ZNF213: variants seen among roughly 807,000 people sequenced by gnomAD.
The protein encoded by ZNF213 is putative transcription factor CR53.
ZNF213 carries 32 observed loss-of-function variants against 46.0 expected under a neutral mutation model. The observed-to-expected ratio is 0.70, with a 90% CI of 0.52 to 0.93. The LOEUF (loss-of-function observed/expected upper bound fraction) is 0.93. Ranked by LOEUF, ZNF213 falls within the 40% of genes least tolerant of loss-of-function variation. The probability of loss-of-function intolerance (pLI) is 0.00; values close to 1 mark genes in which losing one functional copy is unlikely to be tolerated. For missense variants in ZNF213, 639 were observed against 652.8 expected, an observed-to-expected ratio of 0.98 and a Z score of 0.23; for synonymous variants, 297 against 271.0, an observed-to-expected ratio of 1.10 and a Z score of -0.94.
rs141332740 is a variant in ZNF213 at position 3,137,403 on chromosome 16, C to A, written c.123C>A (p.Ser41=). Residue 41 remains serine, a synonymous_variant, in exon 2 of 6, where the codon TCC becomes TCA. Transcript: ENST00000396878. ...ESAQHEDGRD[S]EACRQRFRQF... The stretch of plus-strand genomic sequence containing the variant: ...CCCAGCATGAGGATGGCAGGGATTC[C>A]GAAGCCTGCCGCCAGCGCTTCCGGC... The A allele has an allele frequency of 3.1e-6, 5 of 1,613,980 alleles. No individual in the cohort carries two copies. The East Asian group carries it at 1.1e-4, about 36-fold the overall frequency.
intron 1 of ZNF213, among the ~76,000 whole-genome samples, 189 bp from the exon 2 acceptor site, chr16:3,136,977 G>T (rs1341221808): frequency 6.6e-6 from 1 of 152,152 alleles, no homozygotes; most frequent in Non-Finnish European, 1.5e-5. Context: ...TGGATTTCTG[G>T]CTTTGGGATG....
At position 3,140,914 on chromosome 16, in the gene ZNF213, C is replaced by T. The variant is rs1052974324; in HGVS notation, c.947C>T (p.Pro316Leu). 4.3e-5 allele frequency: 69 copies of T among 1,590,126 alleles called. No individual in the cohort carries two copies. The highest frequency in any genetic ancestry group is 5.6e-5 in the Non-Finnish European group (65 of 1,171,140). Residue 316 changes from proline to leucine, a missense_variant, in exon 6 of 6, where the codon CCG becomes CTG. Pro to Leu is a moderately conservative substitution (Grantham distance 98). Transcript: ENST00000396878. ...RQFRDLAAEK[P>L]HSCGQCGKRF... The stretch of plus-strand genomic sequence containing the variant: ...TTCCGGGACCTGGCAGCCGAGAAGC[C>T]GCACAGCTGCGGGCAGTGTGGAAAG...
Position 3,141,574 on chromosome 16 carries a change from C to A in ZNF213, c.*227C>A, listed in dbSNP as rs1231182717. ...CGCCCCCGATCTTGTCCTCTTTCCC[C>A]CTTCTGCGCCTAGCGTTCCTCTTCC... On this transcript the variant is annotated 3_prime_UTR_variant, in exon 6 of 6. Coordinates refer to ENST00000396878, the MANE Select transcript of ZNF213 (RefSeq NM_004220.3). The A allele has an allele frequency of 7.6e-6, 4 of 525,278 alleles. No homozygotes were observed. The highest frequency in any genetic ancestry group is 6.3e-5 in the East Asian group (2 of 31,734). 32.5% of individuals were successfully genotyped at this position (525,278 alleles called of 1,614,324 possible). A position where few individuals can be genotyped will look rare whatever the true frequency, so the allele number is the denominator to read the frequency against.
Position 3,141,215 on chromosome 16 carries a change from G to A in ZNF213, c.1248G>A (p.Leu416=). The A allele has an allele frequency of 6.2e-7, 1 of 1,612,628 alleles. No homozygotes were observed. The highest frequency in any genetic ancestry group is 8.5e-7 in the Non-Finnish European group (1 of 1,179,934). Reference sequence around the variant, plus strand: ...AGAGCTTCTCGCTGCGCTCCTACCTGCTGGACCATCGGCGTGTGCACACCG... The same window carrying A: ...AGAGCTTCTCGCTGCGCTCCTACCTACTGGACCATCGGCGTGTGCACACCG... The part of the protein sequence containing the change: ...CGKSFSLRSY[L]LDHRRVHTGE... Residue 416 remains leucine (L), a synonymous_variant, in exon 6 of 6, where the codon CTG becomes CTA. Transcript: ENST00000396878.
In ZNF213 at chr16:3,141,189, A is replaced by G. The variant is rs1187555534; in HGVS notation, c.1222A>G (p.Lys408Glu). 1.2e-6 allele frequency: 2 copies of G among 1,612,434 alleles called. No homozygotes were observed. The highest frequency in any genetic ancestry group is 2.7e-5 in the African/African-American group (2 of 74,926). The stretch of plus-strand genomic sequence containing the variant: ...GCCTTTCGGCTGCAGCGACTGCGGC[A>G]AGAGCTTCTCGCTGCGCTCCTACCT... ...EKPFGCSDCG[K>E]SFSLRSYLLD... Residue 408 changes from lysine to glutamate, a missense_variant, in exon 6 of 6, where the codon AAG becomes GAG. Physicochemically the swap from Lys to Glu is moderately conservative, Grantham distance 56. Coordinates refer to ENST00000396878, the MANE Select transcript of ZNF213 (RefSeq NM_004220.3).
At chr16:3,138,572 G>T in intron 3 of ZNF213, 31 bp downstream of exon 3, 1 of 1,613,774 alleles carries the variant, frequency 6.2e-7, no homozygotes. Flanking sequence ...GTGGACAGTC[G>T]AGTGGCTGGG....
chr16:3,137,520 C>T lies in ZNF213; in HGVS notation c.240C>T (p.Thr80=). The part of the protein sequence containing the change: ...CCRWLRPELR[T]KEQILELLVL... ...GCTGGCTGCGGCCCGAGCTGCGTACCAAGGAGCAGATCCTGGAGCTGCTGG... is the reference window on the plus strand; with the variant it reads ...GCTGGCTGCGGCCCGAGCTGCGTACTAAGGAGCAGATCCTGGAGCTGCTGG... Residue 80 remains threonine (T), a synonymous_variant, in exon 2 of 6, where the codon ACC becomes ACT. Coordinates refer to ENST00000396878, the MANE Select transcript of ZNF213 (RefSeq NM_004220.3). 6.2e-7 allele frequency: 1 copy of T among 1,614,000 alleles called. No individual in the cohort carries two copies. Among genetic ancestry groups the T allele is most frequent in the Admixed American group, 1.7e-5 (1 of 60,028 alleles).
At chr16:3,139,390 T>A in intron 5 of ZNF213, 5 of 337,362 alleles carry the variant, frequency 1.5e-5, no homozygotes, top group Middle Eastern at 8.9e-4. Flanking sequence ...ATAAGGGACC[T>A]GAGACTCAGG....
In ZNF213 at chr16:3,141,257, C is replaced by A; in HGVS notation, c.1290C>A (p.Gly430=). ...TGCACACCGGTGAGCGGCCCTTCGG[C>A]TGCGGAGAGTGCGACAAGAGCTTCA... is the stretch of plus-strand genomic sequence containing the variant. ...RRVHTGERPF[G]CGECDKSFKQ... Residue 430 remains glycine (G), a synonymous_variant, in exon 6 of 6, where the codon GGC becomes GGA. Coordinates refer to ENST00000396878, the MANE Select transcript of ZNF213 (RefSeq NM_004220.3). The A allele has an allele frequency of 6.2e-7, 1 of 1,612,174 alleles. No homozygotes were observed. The highest frequency in any genetic ancestry group is 1.3e-5 in the African/African-American group (1 of 75,044).
rs759689861 is a variant in ZNF213 at position 3,138,423 on chromosome 16, G to A, written c.405G>A (p.Val135=). 6 of 1,613,554 alleles carry A rather than the reference G, an allele frequency of 3.7e-6. No homozygotes were observed. The highest frequency in any genetic ancestry group is 5.1e-6 in the Non-Finnish European group (6 of 1,179,742). ...ATGTTGTGGTTCCTGCACAGGATGT[G>A]CCCTCGGAGGAGGCGGAACCCGAGG... ...KQPVKAWRQD[V]PSEEAEPEAA... is the part of the protein sequence containing the mutation. The change falls in exon 3 of 6, where the codon GTG becomes GTA. Residue 135 remains valine, a synonymous_variant. Coordinates refer to ENST00000396878, the MANE Select transcript of ZNF213 (RefSeq NM_004220.3).
At chr16:3,137,075 A>T in intron 1 of ZNF213, 91 bp from the exon 2 acceptor site, 1 of 599,990 alleles carries the variant, frequency 1.7e-6, no homozygotes, top group Non-Finnish European at 2.8e-6. Context: ...GGGCCATGAA[A>T]GGATGGGGAC....
rs767801887 is a variant in ZNF213, at chr16:3,138,329, G to T, written c.400-89G>T. The T allele has an allele frequency of 3.2e-6, 5 of 1,576,804 alleles. No individual in the cohort carries two copies. The African/African-American group carries it at 5.4e-5, about 17-fold the overall frequency. On this transcript the variant is annotated intron_variant, in intron 2 of 5. Transcript: ENST00000396878. ...CTTCCCACACCCCAGCATCCTGAGG[G>T]TCATGTCCTGTGTCTCCTTCCCAGG...
rs1406947746 is a variant in ZNF213, at chr16:3,135,089, T to C, written c.-414T>C. On this transcript the variant is annotated 5_prime_UTR_variant, in exon 1 of 6. Coordinates refer to ENST00000396878, the MANE Select transcript of ZNF213 (RefSeq NM_004220.3). Reference sequence around the variant, plus strand: ...GGGATCTCCTGGGCCGTAGTGGGCGTTGTGTGTTTCGGGGGCGGGGGCGGG... The same window carrying C: ...GGGATCTCCTGGGCCGTAGTGGGCGCTGTGTGTTTCGGGGGCGGGGGCGGG... 1 of 95,488 alleles carries C rather than the reference T, an allele frequency of 1.0e-5. No homozygotes were observed. The highest frequency in any genetic ancestry group is 2.1e-5 in the Non-Finnish European group (1 of 48,278). The allele number at this position is 95,488 out of a possible 1,614,324, so 5.9% of individuals were successfully genotyped here.
chr16:3,137,442 G>C lies in ZNF213; in HGVS notation c.162G>C (p.Gly54=), dbSNP rs1188205707. 2.5e-6 allele frequency: 4 copies of C among 1,613,868 alleles called. No individual in the cohort carries two copies. The highest frequency in any genetic ancestry group is 1.3e-5 in the African/African-American group (1 of 74,944). The change falls in exon 2 of 6, where the codon GGG becomes GGC. Residue 54 remains glycine, a synonymous_variant. Coordinates refer to ENST00000396878, the MANE Select transcript of ZNF213 (RefSeq NM_004220.3). ...AGCGCTTCCGGCAATTCTGCTACGGGGATGTGCATGGGCCTCATGAGGCCT... is the reference window on the plus strand; with the variant it reads ...AGCGCTTCCGGCAATTCTGCTACGGCGATGTGCATGGGCCTCATGAGGCCT... ...CRQRFRQFCY[G]DVHGPHEAFS...
rs1198890966 is a variant in ZNF213 at position 3,141,117 on chromosome 16, C to T, written c.1150C>T (p.Arg384Cys). The T allele has an allele frequency of 6.2e-7, 1 of 1,612,376 alleles. No homozygotes were observed. Among genetic ancestry groups the T allele is most frequent in the Admixed American group, 1.7e-5 (1 of 59,962 alleles). The change falls in exon 6 of 6, where the codon CGC becomes TGC. Residue 384 changes from arginine (R) to cysteine (C), a missense_variant. Arg to Cys is a radical substitution (Grantham distance 180, BLOSUM62 -3). Coordinates refer to ENST00000396878, the MANE Select transcript of ZNF213 (RefSeq NM_004220.3). Reference protein sequence around the residue: ...SCSECGKSFSRSAYLADHQRI... With the variant: ...SCSECGKSFSCSAYLADHQRI... Reference sequence around the variant, plus strand: ...TTCCGAGTGCGGCAAGAGCTTCAGCCGCAGCGCCTACCTGGCCGACCACCA... The same window carrying T: ...TTCCGAGTGCGGCAAGAGCTTCAGCTGCAGCGCCTACCTGGCCGACCACCA...
chr16:3,139,297 C>G, intron 5 of ZNF213, 199 bp downstream of exon 5: 1 of 714,270 alleles, frequency 1.4e-6, no homozygotes, highest in Non-Finnish European at 2.2e-6. Context: ...GCCGGCGCTG[C>G]CCAGCCCTGC....
intron 4 of ZNF213, 27 bp from the exon 5 acceptor site, chr16:3,138,948 G>A: frequency 6.2e-7 from 1 of 1,614,152 alleles, no homozygotes; most frequent in Non-Finnish European, 8.5e-7. Flanking sequence ...TGGGAGGCCT[G>A]AGCCGGGTCT....
Position 3,140,723 on chromosome 16 carries a change from G to A in ZNF213, c.756G>A (p.Leu252=), listed in dbSNP as rs1286582646. ...FGLKGQSEKS[L]LQEMVPVVPG... ...TCAAAGGCCAAAGTGAGAAGTCCCT[G>A]CTGCAGGAGATGGTGCCGGTGGTGC... is the stretch of plus-strand genomic sequence containing the variant. The change falls in exon 6 of 6, where the codon CTG becomes CTA. Residue 252 remains leucine (L), a synonymous_variant. Transcript: ENST00000396878. 6.6e-7 allele frequency: 1 copy of A among 1,524,580 alleles called. No homozygotes were observed. Among genetic ancestry groups the A allele is most frequent in the Non-Finnish European group, 8.8e-7 (1 of 1,142,500 alleles). 94.4% of individuals were successfully genotyped at this position (1,524,580 alleles called of 1,614,324 possible). A position where few individuals can be genotyped will look rare whatever the true frequency, so the allele number is the denominator to read the frequency against.
In ZNF213 at chr16:3,142,370, CCTTT is replaced by C. The variant is rs1957620023; in HGVS notation, c.*1024_*1027del. The C allele has an allele frequency of 3.8e-5, 6 of 159,998 alleles. No individual in the cohort carries two copies. Among genetic ancestry groups the C allele is most frequent in the Non-Finnish European group, 6.9e-5 (5 of 72,644 alleles). The allele number at this position is 159,998 out of a possible 1,614,324, so 9.9% of individuals were successfully genotyped here. A position where few individuals can be genotyped will look rare whatever the true frequency, so the allele number is the denominator to read the frequency against. ...ACTCCAGCGGCACTAATGACCCGCT[CCTTT>C]GACATTGGTGCCCCACTCCATCAGC... On this transcript the variant is annotated 3_prime_UTR_variant, in exon 6 of 6. Transcript: ENST00000396878.
Sources: gnomAD v4.1 joint callset for allele counts (sites outside exome capture counted in the v4.1 genomes callset) on GRCh38, gnomAD v4.1.1 for gene constraint, MANE v1.5 for transcripts, NCBI Gene and HGNC (gene_info 2026-07-23, HGNC 2026-07-21) for gene names.